ITFG1: variants seen among roughly 807,000 people sequenced by gnomAD.
ITFG1 encodes T-cell immunomodulatory protein.
In ITFG1, 34 loss-of-function variants were observed where a neutral mutation model predicts 81.8. That is an observed-to-expected ratio of 0.42 (90% CI 0.32 to 0.55). The LOEUF is 0.55. Ranked by LOEUF, ITFG1 falls within the 20% of genes least tolerant of loss-of-function variation. ITFG1 has a pLI of 0.17. For missense variants in ITFG1, 672 were observed against 755.4 expected, an observed-to-expected ratio of 0.89 and a Z score of 1.29; for synonymous variants, 285 against 270.6, an observed-to-expected ratio of 1.05 and a Z score of -0.52.
At chr16:47,287,747 T>G (rs773382976) in intron 10 of ITFG1, among the ~76,000 whole-genome samples, 7 of 152,182 alleles carry the variant, frequency 4.6e-5, no homozygotes, top group Non-Finnish European at 7.3e-5. Flanking sequence ...TGAAGTGGTA[T>G]CTAATTGTGG....
chr16:47,259,755 C>A lies in ITFG1; in HGVS notation c.1221+790G>T, dbSNP rs145177635. Among the ~76,000 whole-genome samples, 42 of 152,212 alleles carry A rather than the reference C, an allele frequency of 2.8e-4. 1 individual carries two copies. In the East Asian group the frequency reaches 8.1e-3, roughly 29 times the overall value. On this transcript the variant is annotated intron_variant, in intron 11 of 17. Coordinates refer to ENST00000320640, the MANE Select transcript of ITFG1 (RefSeq NM_030790.5). ...TTTTCAGAGCGGTAAACTGGCATTTCACCTTAGAAAGGGGAAAACTGGAAC... is the reference window on the plus strand; with the variant it reads ...TTTTCAGAGCGGTAAACTGGCATTTAACCTTAGAAAGGGGAAAACTGGAAC...
intron 6 of ITFG1, among the ~76,000 whole-genome samples, chr16:47,380,153 C>T (rs1968378288): frequency 6.6e-6 from 1 of 151,192 alleles, no homozygotes; most frequent in African/African-American, 2.4e-5. Flanking sequence ...AGGTTAAATT[C>T]TCAACCATAG....
chr16:47,186,418 A>C (rs1965217306), intron 14 of ITFG1, among the ~76,000 whole-genome samples: 2 of 152,330 alleles, frequency 1.3e-5, no homozygotes, highest in East Asian at 1.9e-4. Flanking sequence ...CACCATGATC[A>C]AGTGGGCTTC....
intron 15 of ITFG1, 93 bp downstream of exon 15, chr16:47,162,447 A>C: frequency 1.8e-6 from 2 of 1,113,320 alleles, no homozygotes; most frequent in South Asian, 3.8e-5. Context: ...ATTTGAATTC[A>C]AATTCAATTA....
intron 6 of ITFG1, among the ~76,000 whole-genome samples, chr16:47,418,833 C>G (rs1189714933): frequency 6.6e-6 from 1 of 152,068 alleles, no homozygotes; most frequent in Admixed American, 6.6e-5. Flanking sequence ...TGTGATGCTT[C>G]CAGAATTGTT....
At chr16:47,375,065 AT>A (rs1192583944) in intron 7 of ITFG1, among the ~76,000 whole-genome samples, 1 of 152,218 alleles carries the variant, frequency 6.6e-6, no homozygotes, top group African/African-American at 2.4e-5. Context: ...CAGATGGGAA[AT>A]CAACAGACCT....
chr16:47,242,902 T>C (rs1965951936), intron 12 of ITFG1, among the ~76,000 whole-genome samples: 1 of 152,194 alleles, frequency 6.6e-6, no homozygotes, highest in South Asian at 2.1e-4. Flanking sequence ...GTTGGTAGCA[T>C]GTTTCTGGAT....
chr16:47,431,280 G>A (rs940000165), intron 5 of ITFG1, among the ~76,000 whole-genome samples: 7 of 152,202 alleles, frequency 4.6e-5, no homozygotes, highest in Non-Finnish European at 8.8e-5. Flanking sequence ...CAGGAGGTGG[G>A]CGGCAGGCAA....
At position 47,432,367 on chromosome 16, in the gene ITFG1, A is replaced by T. The variant is rs551207424; in HGVS notation, c.561-3469T>A. Among the ~76,000 whole-genome samples, 6 of 152,338 alleles carry T rather than the reference A, an allele frequency of 3.9e-5. No homozygotes were observed. The South Asian group carries it at 1.0e-3, about 26-fold the overall frequency. Reference sequence around the variant, plus strand: ...GTTTATAATTGTGAATTTGGTATTGATGTCTTTGGAAATCAGCAAGACACA... The same window carrying T: ...GTTTATAATTGTGAATTTGGTATTGTTGTCTTTGGAAATCAGCAAGACACA... On this transcript the variant is annotated intron_variant, in intron 5 of 17. Coordinates refer to ENST00000320640, the MANE Select transcript of ITFG1 (RefSeq NM_030790.5).
intron 13 of ITFG1, among the ~76,000 whole-genome samples, chr16:47,231,664 A>G (rs946264085): frequency 3.3e-5 from 5 of 152,240 alleles, no homozygotes; most frequent in African/African-American, 1.2e-4. Flanking sequence ...AGGCAGGGGT[A>G]TCAACAATAA....
chr16:47,231,046 C>A (rs1965812096), intron 13 of ITFG1, among the ~76,000 whole-genome samples: 1 of 152,352 alleles, frequency 6.6e-6, no homozygotes, highest in East Asian at 1.9e-4. Context: ...CCGCGCCCAG[C>A]CCAAATGACA....
intron 5 of ITFG1, among the ~76,000 whole-genome samples, chr16:47,438,056 G>A (rs1969192169): frequency 6.6e-6 from 1 of 152,314 alleles, no homozygotes; most frequent in South Asian, 2.1e-4. Context: ...GGCTCGGAGG[G>A]TCCTATGCCC....
intron 8 of ITFG1, among the ~76,000 whole-genome samples, chr16:47,319,872 T>C (rs1027389995): frequency 6.6e-6 from 1 of 152,222 alleles, no homozygotes; most frequent in Non-Finnish European, 1.5e-5. Context: ...TTTCACCTTG[T>C]GTAATCCTTG....
chr16:47,220,730 C>T (rs1250884165), intron 13 of ITFG1, among the ~76,000 whole-genome samples: 4 of 152,048 alleles, frequency 2.6e-5, no homozygotes, highest in African/African-American at 9.7e-5. Context: ...AAACCATTCA[C>T]GGGTAAAAGA....
chr16:47,218,691 T>C, intron 14 of ITFG1, 177 bp downstream of exon 14: 1 of 366,462 alleles, frequency 2.7e-6, no homozygotes, highest in Non-Finnish European at 4.9e-6. Context: ...AAGTGAACAT[T>C]TTTTGTCATA....
chr16:47,460,094 T>C (rs1969508465), intron 1 of ITFG1, among the ~76,000 whole-genome samples: 1 of 152,232 alleles, frequency 6.6e-6, no homozygotes, highest in Non-Finnish European at 1.5e-5. Flanking sequence ...AAGCAAAGAA[T>C]TTCCAAGAAC....
intron 13 of ITFG1, among the ~76,000 whole-genome samples, chr16:47,232,593 T>C (rs936209121): frequency 1.3e-5 from 2 of 151,830 alleles, no homozygotes; most frequent in Non-Finnish European, 2.9e-5. Context: ...AATGATATTT[T>C]TGAAGTTGGG....
rs764731306 is a variant in ITFG1 at position 47,324,545 on chromosome 16, T to C, written c.803-10722A>G. On this transcript the variant is annotated intron_variant, in intron 8 of 17. Coordinates refer to ENST00000320640, the MANE Select transcript of ITFG1 (RefSeq NM_030790.5). ...CAATTAAAAGGCACGGACTGGCAAATTGGATAAAGAGTCAAGACCCATCAG... is the reference window on the plus strand; with the variant it reads ...CAATTAAAAGGCACGGACTGGCAAACTGGATAAAGAGTCAAGACCCATCAG... Among the ~76,000 whole-genome samples the C allele has an allele frequency of 7.9e-5, 12 of 152,082 alleles. No individual in the cohort carries two copies. In the East Asian group the frequency reaches 1.2e-3, roughly 15 times the overall value.
intron 8 of ITFG1, among the ~76,000 whole-genome samples, chr16:47,335,529 A>T (rs900555162): frequency 3.3e-5 from 5 of 152,226 alleles, no homozygotes; most frequent in African/African-American, 1.2e-4. Context: ...CTATAACTTA[A>T]GATGTCACAC....
Sources: gnomAD v4.1 joint callset for allele counts (sites outside exome capture counted in the v4.1 genomes callset) on GRCh38, gnomAD v4.1.1 for gene constraint, MANE v1.5 for transcripts, NCBI Gene and HGNC (gene_info 2026-07-23, HGNC 2026-07-21) for gene names.